SMYD3: variants seen among roughly 807,000 people sequenced by gnomAD.
SMYD3 encodes SET and MYND domain containing 3.
SMYD3 carries 36 observed loss-of-function variants against 57.7 expected under a neutral mutation model. The observed-to-expected ratio is 0.62, with a 90% confidence interval of 0.48 to 0.82. The LOEUF (loss-of-function observed/expected upper bound fraction) is 0.82, where lower values mean the gene tolerates loss of function less well. Ranked by LOEUF, SMYD3 falls within the 40% of genes least tolerant of loss-of-function variation. SMYD3 has a pLI of 0.00. For synonymous variants in SMYD3, 211 were observed against 195.0 expected (o/e 1.08, Z -0.68); for missense variants, 515 against 538.8 (o/e 0.96, Z 0.44).
chr1:246,374,507 GTATAA>G (rs2066240458), intron 1 of SMYD3, among the ~76,000 whole-genome samples: 1 of 152,094 alleles, frequency 6.6e-6, no homozygotes, highest in African/African-American at 2.4e-5. Context: ...CGATTTGACT[GTATAA>G]TATGGCCCCT....
At chr1:245,816,899 C>G (rs1209021454) in intron 10 of SMYD3, among the ~76,000 whole-genome samples, 1 of 69,108 alleles carries the variant, frequency 1.4e-5, no homozygotes, top group African/African-American at 3.0e-5. Flanking sequence ...AGGGTCCTAC[C>G]CGACGGAGTC....
chr1:245,829,019 C>CTTA (rs1187566932), intron 10 of SMYD3, among the ~76,000 whole-genome samples: 1 of 151,110 alleles, frequency 6.6e-6, no homozygotes, highest in Non-Finnish European at 1.5e-5. Flanking sequence ...TCTGATTCTA[C>CTTA]TTACTAACTC....
intron 1 of SMYD3, among the ~76,000 whole-genome samples, chr1:246,430,554 T>C (rs1390391181): frequency 1.3e-5 from 2 of 152,148 alleles, no homozygotes; most frequent in Non-Finnish European, 1.5e-5. Flanking sequence ...GAAATGACAT[T>C]ATCAGAGAGG....
chr1:245,879,779 G>A (rs1249717724), intron 8 of SMYD3, among the ~76,000 whole-genome samples: 1 of 152,150 alleles, frequency 6.6e-6, no homozygotes, highest in Non-Finnish European at 1.5e-5. Context: ...CCAGAGTGGC[G>A]GCAAATATGG....
At chr1:246,440,841 A>G (rs1309821723) in intron 1 of SMYD3, among the ~76,000 whole-genome samples, 2 of 152,190 alleles carry the variant, frequency 1.3e-5, no homozygotes, top group African/African-American at 4.8e-5. Flanking sequence ...ATCTGTGACC[A>G]TCTTTCTGAA....
chr1:246,018,485 C>T (rs952170352), intron 5 of SMYD3, among the ~76,000 whole-genome samples: 2 of 152,206 alleles, frequency 1.3e-5, no homozygotes, highest in African/African-American at 2.4e-5. Flanking sequence ...ACAGTAAGAA[C>T]AAGACATTAT....
chr1:245,939,631 G>GAAAT (rs5782377), intron 5 of SMYD3, among the ~76,000 whole-genome samples: 99,657 of 150,808 alleles, frequency 0.66, 35,999 homozygotes, highest in Non-Finnish European at 0.82. Context: ...GTCTCAGGAA[G>GAAAT]AAATAAATAA....
At position 245,923,063 on chromosome 1, in the gene SMYD3, G is replaced by A. The variant is rs542801326; in HGVS notation, c.702+4868C>T. On this transcript the variant is annotated intron_variant, in intron 7 of 11. Transcript: ENST00000490107. ...CGTATATACAAAAAGTGAATGAAAG[G>A]CAAAGGAAACATCACGTTTCAATCA... 1.1e-4 allele frequency among the ~76,000 whole-genome samples: 17 copies of A among 152,154 alleles called. 1 individual carries two copies. Among genetic ancestry groups the A allele is most frequent in the African/African-American group, 4.1e-4 (17 of 41,516 alleles).
intron 1 of SMYD3, among the ~76,000 whole-genome samples, chr1:246,460,518 G>T (rs1572519833): frequency 1.3e-5 from 2 of 152,144 alleles, no homozygotes; most frequent in African/African-American, 2.4e-5. Flanking sequence ...AGTTACATGT[G>T]TGTTTTTACT....
intron 1 of SMYD3, among the ~76,000 whole-genome samples, chr1:246,370,490 C>T (rs183879753): frequency 2.0e-5 from 3 of 152,280 alleles, no homozygotes; most frequent in East Asian, 3.9e-4. Flanking sequence ...TTACTAGGGG[C>T]GTACCCTTGT....
intron 10 of SMYD3, among the ~76,000 whole-genome samples, chr1:245,824,066 A>C (rs1302208807): frequency 6.6e-6 from 1 of 152,114 alleles, no homozygotes; most frequent in East Asian, 1.9e-4. Flanking sequence ...TCACGACTGG[A>C]GAGTTGTGGC....
At chr1:245,915,484 G>A in intron 8 of SMYD3, 46 bp downstream of exon 8, 1 of 1,226,622 alleles carries the variant, frequency 8.2e-7, no homozygotes, top group Non-Finnish European at 1.2e-6. Context: ...GAAGATCATT[G>A]AGATTTTGCC....
chr1:246,343,791 C>A (rs890989883), intron 2 of SMYD3, among the ~76,000 whole-genome samples: 1 of 152,106 alleles, frequency 6.6e-6, no homozygotes, highest in Admixed American at 6.5e-5. Flanking sequence ...CTGACTCTTA[C>A]CCTTCTACAA....
intron 8 of SMYD3, among the ~76,000 whole-genome samples, chr1:245,891,981 C>G (rs1039877465): frequency 2.0e-5 from 3 of 152,110 alleles, no homozygotes; most frequent in Non-Finnish European, 4.4e-5. Flanking sequence ...AGGAGTGAGC[C>G]ATGAACACAC....
intron 8 of SMYD3, among the ~76,000 whole-genome samples, chr1:245,873,090 G>A (rs2052303001): frequency 1.3e-5 from 2 of 152,186 alleles, no homozygotes; most frequent in Non-Finnish European, 2.9e-5. Flanking sequence ...TCTTGTCAGT[G>A]GTGCTTGCTA....
At chr1:246,499,219 G>T (rs949344966) in intron 1 of SMYD3, among the ~76,000 whole-genome samples, 4 of 151,606 alleles carry the variant, frequency 2.6e-5, no homozygotes, top group Admixed American at 1.3e-4. Flanking sequence ...CAGGACAATC[G>T]CTTGAACCCA....
chr1:246,236,543 C>A (rs1401782448), intron 5 of SMYD3, among the ~76,000 whole-genome samples: 2 of 152,116 alleles, frequency 1.3e-5, no homozygotes, highest in African/African-American at 2.4e-5. Context: ...GCCTCCTGAG[C>A]AGCTGGGACT....
chr1:246,397,845 G>C (rs1017371765), intron 1 of SMYD3, among the ~76,000 whole-genome samples: 1 of 151,894 alleles, frequency 6.6e-6, no homozygotes, highest in African/African-American at 2.4e-5. Context: ...AAATCATAGG[G>C]GTGTAGAAAA....
intron 1 of SMYD3, among the ~76,000 whole-genome samples, chr1:246,493,754 C>A (rs1411890501): frequency 1.3e-5 from 2 of 150,222 alleles, no homozygotes; most frequent in Non-Finnish European, 3.0e-5. Context: ...CCAGCACTCA[C>A]CCTTCACCAC....
Sources: allele counts gnomAD v4.1 joint callset (sites outside exome capture counted in the v4.1 genomes callset), GRCh38; gene constraint gnomAD v4.1.1; transcripts MANE v1.5; gene names NCBI Gene and HGNC (gene_info 2026-07-23, HGNC 2026-07-21).